The following FRY variants were observed in gnomAD, a reference collection of about 807,000 sequenced individuals.
FRY encodes FRY microtubule binding protein, also known as protein furry homolog.
Under a neutral mutation model 348.4 loss-of-function variants are expected in FRY, and 128 were observed. The observed-to-expected ratio is 0.37, with a 90% confidence interval of 0.32 to 0.43. The LOEUF is 0.43. FRY is among the 20% of genes least tolerant of loss of function. The pLI is 1.00. For missense variants in FRY, 2,736 were observed against 3,695.2 expected, an observed-to-expected ratio of 0.74 and a Z score of 6.73; for synonymous variants, 1,370 against 1,374.7, an observed-to-expected ratio of 1.00 and a Z score of 0.08.
chr13:32,289,849 A>G, intron 59 of FRY, 106 bp downstream of exon 59: 1 of 724,094 alleles, frequency 1.4e-6, no homozygotes, highest in South Asian at 1.5e-5. Flanking sequence ...TTATTCCCGC[A>G]TAATTATTTT....
intron 8 of FRY, 84 bp downstream of exon 8, chr13:32,131,924 C>T: frequency 9.5e-7 from 1 of 1,049,958 alleles, no homozygotes; most frequent in Non-Finnish European, 1.5e-6. Context: ...ACATGAAAAG[C>T]CAATTACTTG....
intron 4 of FRY, among the ~76,000 whole-genome samples, chr13:32,123,633 G>A (rs865844821): frequency 6.6e-6 from 1 of 152,172 alleles, no homozygotes; most frequent in Non-Finnish European, 1.5e-5. Flanking sequence ...GTCTCAAGTT[G>A]TTATCACATT....
At chr13:32,291,258 A>G (rs1889340697) in intron 59 of FRY, among the ~76,000 whole-genome samples, 1 of 152,180 alleles carries the variant, frequency 6.6e-6, no homozygotes, top group African/African-American at 2.4e-5. Context: ...ATACGACTTT[A>G]TACTTTCAAA....
intron 3 of FRY, among the ~76,000 whole-genome samples, chr13:32,117,056 T>C (rs1878345907): frequency 6.6e-6 from 1 of 152,224 alleles, no homozygotes; most frequent in African/African-American, 2.4e-5. Context: ...TGCAGTTCCA[T>C]GAATAACCTG....
chr13:32,292,013 C>T (rs745568490), intron 59 of FRY: 8 of 449,720 alleles, frequency 1.8e-5, no homozygotes, highest in Non-Finnish European at 3.1e-5. Flanking sequence ...GATGTAGTTG[C>T]ACTCTGTTGC....
chr13:32,190,176 A>G (rs954493884), intron 28 of FRY, among the ~76,000 whole-genome samples: 3 of 151,954 alleles, frequency 2.0e-5, no homozygotes, highest in Non-Finnish European at 4.4e-5. Context: ...CTTGAAAAAA[A>G]AAACACCCTA....
chr13:32,275,990 A>G (rs752646208), intron 56 of FRY, among the ~76,000 whole-genome samples: 31 of 152,170 alleles, frequency 2.0e-4, no homozygotes, highest in Non-Finnish European at 4.0e-4. Flanking sequence ...TGAAGAGTCA[A>G]GTCCTTCCAA....
chr13:32,126,760 A>G (rs1434999510), intron 7 of FRY, among the ~76,000 whole-genome samples: 1 of 152,236 alleles, frequency 6.6e-6, no homozygotes, highest in Non-Finnish European at 1.5e-5. Context: ...CACCAGGACC[A>G]TTACTTTATT....
intron 39 of FRY, among the ~76,000 whole-genome samples, chr13:32,227,123 T>G (rs891113347): frequency 1.1e-4 from 16 of 152,140 alleles, no homozygotes; most frequent in Non-Finnish European, 2.4e-4. Flanking sequence ...TGATTTAAAG[T>G]GAAGATTTAC....
Position 32,081,661 on chromosome 13 carries a change from G to C in FRY, c.270+2628G>C, listed in dbSNP as rs1593591263. ...CTTTGATTTTTTGGCAGAAATGTAA[G>C]CTTCTGTGTCATATTCTTTTCTTGT... On this transcript the variant is annotated intron_variant, in intron 2 of 60. Transcript: ENST00000542859. 3.9e-5 allele frequency among the ~76,000 whole-genome samples: 6 copies of C among 152,258 alleles called. 1 individual carries two copies. Among genetic ancestry groups the C allele is most frequent in the Admixed American group, 3.9e-4 (6 of 15,286 alleles).
At chr13:32,218,853 G>T in intron 36 of FRY, 22 bp downstream of exon 36, 1 of 1,378,420 alleles carries the variant, frequency 7.3e-7, no homozygotes, top group Non-Finnish European at 1.0e-6. Flanking sequence ...CAGGCTGTGG[G>T]CTTTCAGACG....
chr13:32,187,753 C>T (rs1238347715), intron 28 of FRY, 97 bp downstream of exon 28: 1 of 732,264 alleles, frequency 1.4e-6, no homozygotes, highest in Non-Finnish European at 2.5e-6. Context: ...AATACCTCTT[C>T]ACACATCAGC....
intron 1 of FRY, among the ~76,000 whole-genome samples, chr13:32,053,226 G>A (rs900831968): frequency 6.6e-6 from 1 of 152,104 alleles, no homozygotes; most frequent in African/African-American, 2.4e-5. Flanking sequence ...ATTTCAAATA[G>A]TATTCTCAGA....
At chr13:32,042,063 T>C (rs907463064) in intron 1 of FRY, among the ~76,000 whole-genome samples, 3 of 152,244 alleles carry the variant, frequency 2.0e-5, no homozygotes, top group African/African-American at 7.2e-5. Context: ...TATTTTGTTA[T>C]CTGTTTTGTT....
intron 41 of FRY, 71 bp from the exon 42 acceptor site, chr13:32,234,503 T>TA: frequency 7.5e-7 from 1 of 1,330,728 alleles, no homozygotes; most frequent in East Asian, 2.3e-5. Flanking sequence ...GTTTTAAACT[T>TA]AGAGGTAACT....
chr13:32,188,911 G>C (rs1267184486), intron 28 of FRY, among the ~76,000 whole-genome samples: 1 of 152,082 alleles, frequency 6.6e-6, no homozygotes, highest in Non-Finnish European at 1.5e-5. Context: ...TTTTCAGTCA[G>C]AATTGTATAA....
In FRY at chr13:32,178,965, C is replaced by G. The variant is rs756835696; in HGVS notation, c.2803C>G (p.His935Asp). 8.7e-6 allele frequency: 14 copies of G among 1,613,562 alleles called. No individual in the cohort carries two copies. The highest frequency in any genetic ancestry group is 1.1e-5 in the Non-Finnish European group (13 of 1,179,594). The change falls in exon 22 of 61, where the codon CAC (histidine) becomes GAC (aspartate). Residue 935 changes from histidine to aspartate, a missense_variant. By Grantham distance (81) the His-to-Asp change is moderately conservative. Around this residue, in one of 9 missense-constraint regions of FRY, gnomAD observed 449 missense variants for 576.9 expected, o/e 0.78. Transcript: ENST00000542859. ...VAKPSIMSPG[H>D]LRASTPEIMA... is the part of the protein sequence containing the mutation. The stretch of plus-strand genomic sequence containing the variant: ...AAAACCCAGTATTATGAGCCCAGGA[C>G]ACTTAAGAGCTTCCACTCCAGAAAT...
intron 35 of FRY, among the ~76,000 whole-genome samples, chr13:32,212,978 G>A (rs1884770897): frequency 6.6e-6 from 1 of 152,066 alleles, no homozygotes; most frequent in African/African-American, 2.4e-5. Flanking sequence ...GCAGTTGATT[G>A]TGAAGAGCAG....
In FRY at chr13:32,082,603, C is replaced by T. The variant is rs779149642; in HGVS notation, c.270+3570C>T. 3.4e-4 allele frequency among the ~76,000 whole-genome samples: 52 copies of T among 152,304 alleles called. 1 individual carries two copies. The highest frequency in any genetic ancestry group is 3.4e-3 in the Middle Eastern group (1 of 294). ...TCCCTCTGAACTCAGTTTTCTTCTT[C>T]CCAAAGTGAATCTTTTTCAGTTCTT... On this transcript the variant is annotated intron_variant, in intron 2 of 60. Transcript: ENST00000542859.
Sources: allele counts gnomAD v4.1 joint callset (sites outside exome capture counted in the v4.1 genomes callset), GRCh38; gene constraint gnomAD v4.1.1; regional missense constraint gnomAD v4.1.1; transcripts MANE v1.5; gene names NCBI Gene and HGNC (gene_info 2026-07-23, HGNC 2026-07-21).